The following TMEM117 variants were observed in gnomAD, a reference collection of about 807,000 sequenced individuals.
TMEM117 encodes transmembrane protein 117.
TMEM117 carries 27 observed loss-of-function variants against 52.4 expected under a neutral mutation model. The ratio of observed to expected loss-of-function variants is 0.51; its 90% CI spans 0.38 to 0.71. The LOEUF is 0.71. Ranked by LOEUF, TMEM117 falls within the 30% of genes least tolerant of loss-of-function variation. The pLI, the probability that TMEM117 is intolerant of heterozygous loss-of-function variation, is 0.00. For synonymous variants in TMEM117, 215 were observed against 206.3 expected, an observed-to-expected ratio of 1.04 and a Z score of -0.36; for missense variants, 556 against 630.5, an observed-to-expected ratio of 0.88 and a Z score of 1.26.
intron 3 of TMEM117, among the ~76,000 whole-genome samples, chr12:44,027,047 CT>C: frequency 6.6e-6 from 1 of 151,096 alleles, no homozygotes; most frequent in East Asian, 1.9e-4. Flanking sequence ...TAGCTCATTT[CT>C]TTGGTCTCTT....
At chr12:44,257,786 A>G in intron 5 of TMEM117, among the ~76,000 whole-genome samples, 1 of 152,234 alleles carries the variant, frequency 6.6e-6, no homozygotes, top group Middle Eastern at 3.4e-3. Context: ...AAAATATATC[A>G]TATGCAATAA....
rs1049012135 is a variant in TMEM117 at position 44,152,738 on chromosome 12, T to G, written c.510+9114T>G. On this transcript the variant is annotated intron_variant, in intron 4 of 7. Coordinates refer to ENST00000266534, the MANE Select transcript of TMEM117 (RefSeq NM_032256.3). ...TATATATAATATAAATATATTTATA[T>G]TTATAATTATATTTATAATGTATAT... is the stretch of plus-strand genomic sequence containing the variant. 2.0e-4 allele frequency among the ~76,000 whole-genome samples: 27 copies of G among 137,992 alleles called. 1 individual carries two copies. Among genetic ancestry groups the G allele is most frequent in the Non-Finnish European group, 3.1e-4 (20 of 65,284 alleles). 90.5% of individuals were successfully genotyped at this position (137,992 alleles called of 152,430 possible). A position where few individuals can be genotyped will look rare whatever the true frequency, so the allele number is the denominator to read the frequency against.
intron 2 of TMEM117, among the ~76,000 whole-genome samples, chr12:43,899,581 C>T (rs1944270631): frequency 6.6e-6 from 1 of 152,124 alleles, no homozygotes; most frequent in African/African-American, 2.4e-5. Flanking sequence ...CAGTAAGCCA[C>T]TTCAATTAAC....
intron 5 of TMEM117, among the ~76,000 whole-genome samples, chr12:44,228,981 C>A (rs1949899792): frequency 6.6e-6 from 1 of 151,994 alleles, no homozygotes; most frequent in Non-Finnish European, 1.5e-5. Context: ...GGGATCTGGG[C>A]AAGACAGGGA....
chr12:43,990,188 C>CT (rs1565782873), intron 3 of TMEM117, among the ~76,000 whole-genome samples: 1 of 152,172 alleles, frequency 6.6e-6, no homozygotes, highest in Non-Finnish European at 1.5e-5. Flanking sequence ...ATCCTTTAGT[C>CT]TAGAACTCTG....
chr12:43,976,888 C>T (rs949813424), intron 3 of TMEM117, among the ~76,000 whole-genome samples: 1 of 152,128 alleles, frequency 6.6e-6, no homozygotes, highest in African/African-American at 2.4e-5. Flanking sequence ...ATAAGACAAA[C>T]ATGAGTATAA....
intron 2 of TMEM117, among the ~76,000 whole-genome samples, chr12:43,867,078 A>G (rs1943614260): frequency 6.6e-6 from 1 of 152,158 alleles, no homozygotes; most frequent in African/African-American, 2.4e-5. Flanking sequence ...AACAAGAGCA[A>G]AAACTCCATC....
chr12:43,797,252 C>T, the TMEM117 span: 3 of 1,521,096 alleles, frequency 2.0e-6, no homozygotes, highest in Non-Finnish European at 2.7e-6. Flanking sequence ...AGGGCTGATA[C>T]ACCAATAAAC....
At chr12:44,397,115 C>T in the TMEM117 span, among the ~76,000 whole-genome samples, 2 of 152,066 alleles carry the variant, frequency 1.3e-5, no homozygotes, top group East Asian at 1.9e-4. Context: ...GGGAGGCCCA[C>T]GGTAGGGAGT....
intron 5 of TMEM117, among the ~76,000 whole-genome samples, chr12:44,280,109 T>G (rs1017376203): frequency 6.6e-6 from 1 of 152,162 alleles, no homozygotes; most frequent in African/African-American, 2.4e-5. Context: ...TTTTTTTACC[T>G]GAAAAAATTC....
intron 2 of TMEM117, among the ~76,000 whole-genome samples, chr12:43,853,668 T>C (rs1476524722): frequency 1.3e-5 from 2 of 152,192 alleles, no homozygotes; most frequent in Non-Finnish European, 2.9e-5. Context: ...GAATTTAAAA[T>C]CTGGTTAAAA....
At chr12:44,280,356 T>C (rs1950562809) in intron 5 of TMEM117, among the ~76,000 whole-genome samples, 1 of 152,242 alleles carries the variant, frequency 6.6e-6, no homozygotes, top group Non-Finnish European at 1.5e-5. Flanking sequence ...GTCTAGAAAC[T>C]GTGGAAATAT....
the TMEM117 span, among the ~76,000 whole-genome samples, chr12:43,803,788 AG>A: frequency 2.0e-5 from 3 of 152,148 alleles, no homozygotes; most frequent in Admixed American, 6.5e-5. Context: ...AAAACAAATT[AG>A]ATTTACTTCC....
intron 2 of TMEM117, among the ~76,000 whole-genome samples, chr12:43,856,452 C>T (rs930068039): frequency 6.6e-6 from 1 of 152,116 alleles, no homozygotes; most frequent in African/African-American, 2.4e-5. Flanking sequence ...TTTGGAGTGA[C>T]CTTCTGGCAT....
chr12:44,096,741 G>A (rs1197003412), intron 3 of TMEM117, among the ~76,000 whole-genome samples: 1 of 152,060 alleles, frequency 6.6e-6, no homozygotes, highest in Non-Finnish European at 1.5e-5. Flanking sequence ...TTACATGTTA[G>A]ACCTAAAACC....
At chr12:43,896,627 T>A (rs78839514) in intron 2 of TMEM117, among the ~76,000 whole-genome samples, 1 of 151,430 alleles carries the variant, frequency 6.6e-6, no homozygotes, top group Admixed American at 6.6e-5. Context: ...TAAACACATT[T>A]TTTTTTTTGT....
chr12:44,190,479 T>G (rs913048138), intron 4 of TMEM117, among the ~76,000 whole-genome samples: 36 of 152,248 alleles, frequency 2.4e-4, no homozygotes, highest in African/African-American at 7.7e-4. Context: ...CAGGTGATTC[T>G]GATGCCTGTT....
chr12:43,798,327 G>A, the TMEM117 span, among the ~76,000 whole-genome samples: 5 of 152,062 alleles, frequency 3.3e-5, no homozygotes, highest in African/African-American at 9.7e-5. Flanking sequence ...AGACTTAAGA[G>A]ATTTCTTTAC....
intron 7 of TMEM117, among the ~76,000 whole-genome samples, chr12:44,386,970 A>G (rs957056983): frequency 6.6e-6 from 1 of 152,046 alleles, no homozygotes; most frequent in African/African-American, 2.4e-5. Context: ...AAATAATGTT[A>G]CTTCAAATAC....
Sources: allele counts gnomAD v4.1 joint callset (sites outside exome capture counted in the v4.1 genomes callset), GRCh38; gene constraint gnomAD v4.1.1; transcripts MANE v1.5; gene names NCBI Gene and HGNC (gene_info 2026-07-23, HGNC 2026-07-21).